SAMD3: variants seen among roughly 807,000 people sequenced by gnomAD.
SAMD3 encodes the protein sterile alpha motif domain-containing protein 3.
SAMD3 carries 63 observed loss-of-function variants against 58.5 expected under a neutral mutation model. The observed-to-expected ratio is 1.08, with a 90% confidence interval of 0.88 to 1.33. The LOEUF (loss-of-function observed/expected upper bound fraction) is 1.33. Ranked by LOEUF, SAMD3 falls within the 40% of genes most tolerant of loss-of-function variation. The pLI is 0.00. For missense variants in SAMD3, 604 were observed against 608.4 expected (o/e 0.99, Z 0.08); for synonymous variants, 220 against 210.3 (o/e 1.05, Z -0.40).
chr6:130,283,698 T>A (rs1775063709), intron 2 of SAMD3, among the ~76,000 whole-genome samples: 1 of 152,078 alleles, frequency 6.6e-6, no homozygotes, highest in South Asian at 2.1e-4. Context: ...TTTGACAAAA[T>A]TAAGAGTATT....
intron 6 of SAMD3, 114 bp from the exon 7 acceptor site, chr6:130,184,301 G>C: frequency 8.5e-7 from 1 of 1,173,384 alleles, no homozygotes. Context: ...AACAAAAAGA[G>C]ATTTAAATAT....
At position 130,204,825 on chromosome 6, in the gene SAMD3, G is replaced by A. The variant is rs549878553; in HGVS notation, c.383+4670C>T. Reference sequence around the variant, plus strand: ...ATGGAATGAATATGTTCATTTCAGGGAACAGAGGAAAAAAAAAATCACAAG... The same window carrying A: ...ATGGAATGAATATGTTCATTTCAGGAAACAGAGGAAAAAAAAAATCACAAG... On this transcript the variant is annotated intron_variant, in intron 5 of 11. Transcript: ENST00000439090. 6.1e-5 allele frequency among the ~76,000 whole-genome samples: 9 copies of A among 148,124 alleles called. No individual in the cohort carries two copies. The South Asian group carries it at 1.3e-3, about 21-fold the overall frequency.
At chr6:130,190,458 G>C (rs1183512510) in intron 5 of SAMD3, among the ~76,000 whole-genome samples, 1 of 152,126 alleles carries the variant, frequency 6.6e-6, no homozygotes, top group East Asian at 1.9e-4. Flanking sequence ...ATATAGGCCA[G>C]AATGACTGAA....
chr6:130,351,901 A>T (rs1321668875), intron 1 of SAMD3, among the ~76,000 whole-genome samples: 1 of 152,148 alleles, frequency 6.6e-6, no homozygotes, highest in South Asian at 2.1e-4. Flanking sequence ...TGATGAGTTC[A>T]TGTCCTTTGT....
At chr6:130,215,960 T>G (rs1795983916) in intron 2 of SAMD3, 1 of 783,292 alleles carries the variant, frequency 1.3e-6, no homozygotes, top group Non-Finnish European at 2.0e-6. Flanking sequence ...TTCTAGAACT[T>G]TTTTGGACAC....
At chr6:130,209,241 C>T (rs2114822524) in intron 5 of SAMD3, among the ~76,000 whole-genome samples, 1 of 152,248 alleles carries the variant, frequency 6.6e-6, no homozygotes, top group East Asian at 1.9e-4. Flanking sequence ...CAGAGAAATC[C>T]TCTTTTTTCT....
chr6:130,145,362 A>C lies in SAMD3; in HGVS notation c.1256T>G (p.Leu419Arg). ...TACCTGTTCATTCATGATGACAAAA[A>C]GGCTGGGATCATCCCCAAAAACATC... is the stretch of plus-strand genomic sequence containing the variant. ...LPDVFGDDPS[L>R]FVIMNEQVQV... Residue 419 changes from leucine to arginine, a missense_variant, in exon 11 of 12, where the codon CTT becomes CGT. Coordinates refer to ENST00000439090, the MANE Select transcript of SAMD3 (RefSeq NM_001017373.4). 1 of 1,609,638 alleles carries C rather than the reference A, an allele frequency of 6.2e-7. No homozygotes were observed. Among genetic ancestry groups the C allele is most frequent in the Non-Finnish European group, 8.5e-7 (1 of 1,176,938 alleles).
intron 1 of SAMD3, among the ~76,000 whole-genome samples, chr6:130,333,421 A>C (rs1053393158): frequency 6.6e-6 from 1 of 152,152 alleles, no homozygotes; most frequent in Non-Finnish European, 1.5e-5. Context: ...CTCAGGAGTA[A>C]CTAAGATTCC....
intron 8 of SAMD3, chr6:130,161,224 A>G (rs1790254462): frequency 6.6e-6 from 1 of 152,206 alleles, no homozygotes; most frequent in African/African-American, 2.4e-5. Context: ...CTCATAAACT[A>G]CATATATGTT....
intron 2 of SAMD3, among the ~76,000 whole-genome samples, chr6:130,239,954 G>T (rs1773298288): frequency 6.6e-6 from 1 of 152,166 alleles, no homozygotes; most frequent in Non-Finnish European, 1.5e-5. Flanking sequence ...GAGCACTGCT[G>T]GCTTCTCACA....
At chr6:130,176,472 C>T (rs1169294926) in intron 7 of SAMD3, among the ~76,000 whole-genome samples, 2 of 152,170 alleles carry the variant, frequency 1.3e-5, no homozygotes, top group African/African-American at 4.8e-5. Flanking sequence ...GTACTATTGG[C>T]ATTCACTCCC....
intron 8 of SAMD3, among the ~76,000 whole-genome samples, chr6:130,171,878 G>T (rs1791282859): frequency 6.6e-6 from 1 of 152,190 alleles, no homozygotes; most frequent in Admixed American, 6.5e-5. Flanking sequence ...CTGGTTTTAT[G>T]AATCTGGGTG....
chr6:130,184,512 G>A lies in SAMD3; in HGVS notation c.495C>T (p.Cys165=). The part of the protein sequence containing the change: ...DVKCMLAEQK[C]PDHSMRIRII... ...TCCTTATCCTCATGCTGTGATCCGGGCACTTCTGCTCTGCTAACATGCATT... is the reference window on the plus strand; with the variant it reads ...TCCTTATCCTCATGCTGTGATCCGGACACTTCTGCTCTGCTAACATGCATT... The change falls in exon 6 of 12, where the codon TGC becomes TGT. Residue 165 remains cysteine, a synonymous_variant. Transcript: ENST00000439090. 2 of 1,614,146 alleles carry A rather than the reference G, an allele frequency of 1.2e-6. No homozygotes were observed. Among genetic ancestry groups the A allele is most frequent in the South Asian group, 1.1e-5 (1 of 91,082 alleles).
chr6:130,353,943 C>A (rs1322580428), intron 1 of SAMD3, among the ~76,000 whole-genome samples: 3 of 152,014 alleles, frequency 2.0e-5, no homozygotes, highest in African/African-American at 7.3e-5. Context: ...GTCTAATATC[C>A]AGCATCTATA....
intron 2 of SAMD3, among the ~76,000 whole-genome samples, chr6:130,247,185 C>G (rs1471948540): frequency 3.3e-5 from 5 of 152,030 alleles, no homozygotes; most frequent in Non-Finnish European, 7.4e-5. Context: ...TGAAAATGTT[C>G]CTGGCTGGGT....
chr6:130,202,742 T>G (rs1313473618), intron 5 of SAMD3, among the ~76,000 whole-genome samples: 1 of 152,172 alleles, frequency 6.6e-6, no homozygotes, highest in African/African-American at 2.4e-5. Flanking sequence ...GGAATAGAAT[T>G]AGTATGTAAT....
At chr6:130,180,287 ATT>A (rs56155412) in intron 7 of SAMD3, among the ~76,000 whole-genome samples, 7 of 69,432 alleles carry the variant, frequency 1.0e-4, no homozygotes, top group African/African-American at 3.5e-4. Context: ...TACCTGGCTA[ATT>A]TTTTTTTTTT....
intron 5 of SAMD3, among the ~76,000 whole-genome samples, chr6:130,195,323 G>A (rs1468716919): frequency 6.6e-6 from 1 of 152,076 alleles, no homozygotes; most frequent in Non-Finnish European, 1.5e-5. Context: ...CCTGCTCAAT[G>A]CCAAGATCCC....
chr6:130,175,719 C>T (rs2114668768), intron 8 of SAMD3, 122 bp downstream of exon 8: 3 of 632,750 alleles, frequency 4.7e-6, no homozygotes, highest in Non-Finnish European at 7.6e-6. Context: ...TTCTTAACTA[C>T]ACTTCAAATT....
Sources: allele counts gnomAD v4.1 joint callset (sites outside exome capture counted in the v4.1 genomes callset), GRCh38; gene constraint gnomAD v4.1.1; transcripts MANE v1.5; gene names NCBI Gene and HGNC (gene_info 2026-07-23, HGNC 2026-07-21).